The following UBA6 variants were observed in gnomAD, a reference collection of about 807,000 sequenced individuals.
UBA6 encodes ubiquitin like modifier activating enzyme 6, also known as ubiquitin-like modifier-activating enzyme 6.
In UBA6, 87 loss-of-function variants were observed where a neutral mutation model predicts 148.3. The ratio of observed to expected loss-of-function variants is 0.59; its 90% CI spans 0.49 to 0.70. The LOEUF (loss-of-function observed/expected upper bound fraction) is 0.70. Among genes scored for constraint, UBA6 ranks in the 30% least tolerant of loss-of-function variants. The pLI, the probability that UBA6 is intolerant of heterozygous loss-of-function variation, is 0.00. For missense variants in UBA6, 1,186 were observed against 1,241.2 expected (o/e 0.96, Z 0.67); for synonymous variants, 376 against 401.0 (o/e 0.94, Z 0.75).
chr4:67,638,853 G>C (rs1281531931), intron 19 of UBA6, 90 bp downstream of exon 19: 4 of 951,866 alleles, frequency 4.2e-6, no homozygotes, highest in Admixed American at 4.4e-5. Flanking sequence ...GGAATAATCA[G>C]ATAATTCCGT....
chr4:67,660,220 T>C (rs1729815073), intron 13 of UBA6, among the ~76,000 whole-genome samples: 1 of 152,212 alleles, frequency 6.6e-6, no homozygotes, highest in Non-Finnish European at 1.5e-5. Context: ...GAAATTCAAG[T>C]CAGCTGCAGA....
intron 6 of UBA6, among the ~76,000 whole-genome samples, chr4:67,676,670 T>A (rs921641146): frequency 6.6e-6 from 1 of 152,212 alleles, no homozygotes; most frequent in Non-Finnish European, 1.5e-5. Context: ...GACAGGCAAC[T>A]CCTGTCGCTA....
At chr4:67,653,240 C>G (rs1174039159) in intron 13 of UBA6, among the ~76,000 whole-genome samples, 1 of 152,184 alleles carries the variant, frequency 6.6e-6, no homozygotes, top group Admixed American at 6.5e-5. Flanking sequence ...GGTCCCTGAC[C>G]CCCATGTAGA....
chr4:67,652,918 C>T (rs1212567478), intron 13 of UBA6, among the ~76,000 whole-genome samples: 1 of 152,234 alleles, frequency 6.6e-6, no homozygotes, highest in East Asian at 1.9e-4. Context: ...GAGCCTTGCT[C>T]ACTGCTAGCG....
In UBA6 at chr4:67,618,722, T is replaced by C. The variant is rs1728684729; in HGVS notation, c.*275A>G. 4 of 282,744 alleles carry C rather than the reference T, an allele frequency of 1.4e-5. No individual in the cohort carries two copies. The highest frequency in any genetic ancestry group is 2.6e-5 in the Non-Finnish European group (4 of 153,362). The allele number at this position is 282,744 out of a possible 1,614,324, so 17.5% of individuals were successfully genotyped here. On this transcript the variant is annotated 3_prime_UTR_variant, in exon 33 of 33. Coordinates refer to ENST00000322244, the MANE Select transcript of UBA6 (RefSeq NM_018227.6). Reference sequence around the variant, plus strand: ...TTTCCTTCTTTTTATCCAGAGAGATTAATACACAGATTAATACACAAAACT... The same window carrying C: ...TTTCCTTCTTTTTATCCAGAGAGATCAATACACAGATTAATACACAAAACT...
intron 13 of UBA6, among the ~76,000 whole-genome samples, chr4:67,659,540 G>A (rs1729787319): frequency 2.2e-5 from 2 of 91,608 alleles, no homozygotes; most frequent in Non-Finnish European, 5.0e-5. Context: ...ATAGTTTCCT[G>A]AGGCCTCCCC....
At chr4:67,681,950 GGAA>G (rs1167855737) in intron 3 of UBA6, among the ~76,000 whole-genome samples, 166 bp downstream of exon 3, 1 of 152,196 alleles carries the variant, frequency 6.6e-6, no homozygotes, top group South Asian at 2.1e-4. Flanking sequence ...GGTTCTTTGT[GGAA>G]GAATATAACA....
chr4:67,693,433 T>C (rs1329034254), intron 2 of UBA6, among the ~76,000 whole-genome samples: 3 of 152,114 alleles, frequency 2.0e-5, no homozygotes, highest in African/African-American at 7.2e-5. Context: ...GTAAGGCTAT[T>C]AGCATTTAAG....
At chr4:67,637,249 C>T (rs1218445673) in intron 19 of UBA6, among the ~76,000 whole-genome samples, 17 of 149,296 alleles carry the variant, frequency 1.1e-4, no homozygotes, top group Admixed American at 3.3e-4. Flanking sequence ...TCTGGCCAGC[C>T]GCCCAGCCCT....
In UBA6 at chr4:67,678,479, A is replaced by G. The variant is rs778492177; in HGVS notation, c.313T>C (p.Phe105Leu). 1 of 1,602,332 alleles carries G rather than the reference A, an allele frequency of 6.2e-7. No individual in the cohort carries two copies. Among genetic ancestry groups the G allele is most frequent in the Admixed American group, 1.7e-5 (1 of 59,228 alleles). ...ACAACATCATCTTCACTGAGAAAGA[A>G]GTTGGTTCCTAGATCCCATGCTTGG... ...KCQAWDLGTN[F>L]FLSEDDVVNK... is the part of the protein sequence containing the mutation. Residue 105 changes from phenylalanine (F) to leucine (L), a missense_variant, in exon 5 of 33, where the codon TTC becomes CTC. Coordinates refer to ENST00000322244, the MANE Select transcript of UBA6 (RefSeq NM_018227.6).
rs1033360587 is a variant in UBA6, at chr4:67,678,354, T to C, written c.353+85A>G. The C allele has an allele frequency of 3.9e-6, 3 of 760,808 alleles. No individual in the cohort carries two copies. In the Admixed American group the frequency reaches 9.6e-5, roughly 24 times the overall value. 47.1% of individuals were successfully genotyped at this position (760,808 alleles called of 1,614,324 possible). A position where few individuals can be genotyped will look rare whatever the true frequency, so the allele number is the denominator to read the frequency against. The stretch of plus-strand genomic sequence containing the variant: ...AGAGCACTTTATATTTAAACAACTA[T>C]GACTGATTGGTGTTCTAGATAAAGG... On this transcript the variant is annotated intron_variant, in intron 5 of 32. Coordinates refer to ENST00000322244, the MANE Select transcript of UBA6 (RefSeq NM_018227.6).
intron 4 of UBA6, among the ~76,000 whole-genome samples, chr4:67,680,514 T>A (rs948145959): frequency 6.6e-6 from 1 of 152,130 alleles, no homozygotes; most frequent in African/African-American, 2.4e-5. Context: ...TAGATTAAAA[T>A]AAACCAAGTT....
At chr4:67,700,538 T>C (rs1457056432) in intron 1 of UBA6, among the ~76,000 whole-genome samples, 1 of 127,530 alleles carries the variant, frequency 7.8e-6, no homozygotes, top group Non-Finnish European at 1.8e-5. Context: ...GGCTTTTTTT[T>C]TTTCCTTCTT....
At chr4:67,699,884 G>C (rs573443470) in intron 1 of UBA6, among the ~76,000 whole-genome samples, 1 of 152,170 alleles carries the variant, frequency 6.6e-6, no homozygotes, top group African/African-American at 2.4e-5. Context: ...GATTGCAAGC[G>C]TTTGAGCCAC....
chr4:67,679,647 AT>A (rs1414650552), intron 4 of UBA6, among the ~76,000 whole-genome samples: 1 of 152,160 alleles, frequency 6.6e-6, no homozygotes, highest in Non-Finnish European at 1.5e-5. Flanking sequence ...GATAAAGAAT[AT>A]ATAGCATATA....
intron 32 of UBA6, 135 bp from the exon 33 acceptor site, chr4:67,619,267 T>C (rs1728698588): frequency 1.5e-6 from 1 of 658,530 alleles, no homozygotes; most frequent in South Asian, 2.0e-5. Flanking sequence ...CTTTCACATA[T>C]TCATTTTTCT....
chr4:67,636,812 AC>A (rs1729154947), intron 19 of UBA6, among the ~76,000 whole-genome samples: 1 of 151,070 alleles, frequency 6.6e-6, no homozygotes, highest in Non-Finnish European at 1.5e-5. Flanking sequence ...CCCGGCCGCC[AC>A]CCCGTCTGGG....
rs1264792698 is a variant in UBA6, at chr4:67,618,177, T to C, written c.*820A>G. 2 of 152,544 alleles carry C rather than the reference T, an allele frequency of 1.3e-5. No individual in the cohort carries two copies. Among genetic ancestry groups the C allele is most frequent in the Non-Finnish European group, 2.9e-5 (2 of 67,990 alleles). 9.4% of individuals were successfully genotyped at this position (152,544 alleles called of 1,614,324 possible). A position where few individuals can be genotyped will look rare whatever the true frequency, so the allele number is the denominator to read the frequency against. ...CCCTTTACAAAATCTTTTAGTTTTATATATTAGGACAATCAGGTTTAGAGT... is the reference window on the plus strand; with the variant it reads ...CCCTTTACAAAATCTTTTAGTTTTACATATTAGGACAATCAGGTTTAGAGT... On this transcript the variant is annotated 3_prime_UTR_variant, in exon 33 of 33. Transcript: ENST00000322244.
At chr4:67,650,855 A>G (rs1729538552) in intron 13 of UBA6, among the ~76,000 whole-genome samples, 1 of 152,152 alleles carries the variant, frequency 6.6e-6, no homozygotes, top group Non-Finnish European at 1.5e-5. Context: ...AGAAAGATGT[A>G]AACAAAAGAG....
Sources: allele counts gnomAD v4.1 joint callset (sites outside exome capture counted in the v4.1 genomes callset), GRCh38; gene constraint gnomAD v4.1.1; transcripts MANE v1.5; gene names NCBI Gene and HGNC (gene_info 2026-07-23, HGNC 2026-07-21).